ACOXL: variants seen among roughly 807,000 people sequenced by gnomAD.
ACOXL encodes acyl-CoA oxidase like, also known as acyl-coenzyme A oxidase-like protein.
ACOXL carries 70 observed loss-of-function variants against 71.9 expected under a neutral mutation model. The ratio of observed to expected loss-of-function variants is 0.97; its 90% CI spans 0.80 to 1.19. The LOEUF (loss-of-function observed/expected upper bound fraction) is 1.19, where lower values mean the gene tolerates loss of function less well. ACOXL is among the 50% of genes most tolerant of loss of function. The pLI, the probability that ACOXL is intolerant of heterozygous loss-of-function variation, is 0.00. For missense variants in ACOXL, 703 were observed against 736.3 expected, an observed-to-expected ratio of 0.95 and a Z score of 0.52; for synonymous variants, 253 against 281.6, an observed-to-expected ratio of 0.90 and a Z score of 1.02.
intron 17 of ACOXL, chr2:111,112,846 T>G (rs2150085201): frequency 6.6e-6 from 1 of 152,364 alleles, no homozygotes; most frequent in South Asian, 2.1e-4. Context: ...AGCCTTGTCC[T>G]TCTGCAGGTA....
chr2:111,041,872 G>T (rs1398500711), intron 15 of ACOXL, among the ~76,000 whole-genome samples: 2 of 152,196 alleles, frequency 1.3e-5, no homozygotes, highest in East Asian at 3.9e-4. Flanking sequence ...TCTGTCTCCC[G>T]ACTTTGTGCC....
At chr2:110,951,657 T>C (rs971179363) in intron 12 of ACOXL, among the ~76,000 whole-genome samples, 8 of 152,388 alleles carry the variant, frequency 5.2e-5, no homozygotes, top group Admixed American at 5.2e-4. Flanking sequence ...TTTGTGCATG[T>C]GTGCATTTAT....
chr2:110,927,686 C>G (rs1218474167), intron 11 of ACOXL, among the ~76,000 whole-genome samples: 1 of 152,198 alleles, frequency 6.6e-6, no homozygotes, highest in African/African-American at 2.4e-5. Flanking sequence ...ATTGTAAATT[C>G]TGTGAGCACA....
intron 16 of ACOXL, among the ~76,000 whole-genome samples, chr2:111,060,792 C>G (rs948455546): frequency 6.6e-6 from 1 of 152,072 alleles, no homozygotes; most frequent in African/African-American, 2.4e-5. Flanking sequence ...AATAAAAAAT[C>G]ACCAATAAAA....
intron 14 of ACOXL, among the ~76,000 whole-genome samples, chr2:111,027,175 C>T (rs890510291): frequency 6.6e-6 from 1 of 152,022 alleles, no homozygotes; most frequent in African/African-American, 2.4e-5. Context: ...GGATTACAGG[C>T]GTGAGCCACC....
chr2:110,833,449 A>C (rs575821921), intron 9 of ACOXL, among the ~76,000 whole-genome samples: 2 of 152,292 alleles, frequency 1.3e-5, no homozygotes, highest in Admixed American at 1.3e-4. Flanking sequence ...AGGTGTGGCT[A>C]CACACGGTCA....
chr2:110,903,673 G>T (rs2059334261), intron 10 of ACOXL, among the ~76,000 whole-genome samples: 1 of 152,216 alleles, frequency 6.6e-6, no homozygotes, highest in Non-Finnish European at 1.5e-5. Flanking sequence ...TGTCCACATA[G>T]ATCATAAACT....
At chr2:110,949,728 G>T (rs1406280997) in intron 12 of ACOXL, among the ~76,000 whole-genome samples, 1 of 152,124 alleles carries the variant, frequency 6.6e-6, no homozygotes, top group African/African-American at 2.4e-5. Flanking sequence ...TATAGATGCT[G>T]CCACCTTTAA....
At chr2:110,806,104 A>T (rs370784274) in intron 9 of ACOXL, among the ~76,000 whole-genome samples, 1 of 152,252 alleles carries the variant, frequency 6.6e-6, no homozygotes, top group East Asian at 1.9e-4. Flanking sequence ...TGAAGAAGGA[A>T]TAAATTTCAT....
chr2:110,811,646 CGTT>C (rs1029630097), intron 9 of ACOXL, among the ~76,000 whole-genome samples: 3 of 151,668 alleles, frequency 2.0e-5, no homozygotes. Context: ...TTTTCAGGCA[CGTT>C]GTATGTGCTT....
At chr2:110,903,252 C>T (rs975267022) in intron 10 of ACOXL, among the ~76,000 whole-genome samples, 1 of 152,242 alleles carries the variant, frequency 6.6e-6, no homozygotes, top group Non-Finnish European at 1.5e-5. Context: ...GCGGCCCCCC[C>T]AGAGGCTGCG....
chr2:110,757,291 AG>A (rs1357631714), intron 1 of ACOXL, among the ~76,000 whole-genome samples: 9 of 152,092 alleles, frequency 5.9e-5, no homozygotes. Flanking sequence ...TTCTTTATTC[AG>A]TCTATCATTG....
chr2:110,901,238 G>T (rs762816329), intron 10 of ACOXL, among the ~76,000 whole-genome samples: 3 of 152,140 alleles, frequency 2.0e-5, no homozygotes, highest in Non-Finnish European at 4.4e-5. Context: ...ATTGGCAAGG[G>T]CTTTTTCTCT....
intron 11 of ACOXL, among the ~76,000 whole-genome samples, chr2:110,929,534 G>A (rs1307347240): frequency 1.3e-5 from 2 of 152,216 alleles, no homozygotes; most frequent in Non-Finnish European, 2.9e-5. Flanking sequence ...ATTTTCTGAG[G>A]AGAAATTCAA....
intron 12 of ACOXL, among the ~76,000 whole-genome samples, chr2:110,972,646 C>T (rs74266298): frequency 0.078 from 8,357 of 106,836 alleles, 561 homozygotes; most frequent in East Asian, 0.44. Context: ...CACACACACA[C>T]GTGCACACAC....
chr2:110,790,429 C>T (rs1684504488), intron 3 of ACOXL, among the ~76,000 whole-genome samples: 1 of 152,202 alleles, frequency 6.6e-6, no homozygotes, highest in Admixed American at 6.5e-5. Flanking sequence ...CTGGAAGCTG[C>T]CGACCCTCAT....
chr2:110,997,619 T>C (rs1004301761), intron 14 of ACOXL, among the ~76,000 whole-genome samples: 1 of 152,182 alleles, frequency 6.6e-6, no homozygotes, highest in Non-Finnish European at 1.5e-5. Flanking sequence ...TTCACTAATA[T>C]AGCCTTCCTT....
chr2:111,026,846 A>G (rs1264967890), intron 14 of ACOXL, among the ~76,000 whole-genome samples: 2 of 152,180 alleles, frequency 1.3e-5, no homozygotes, highest in Admixed American at 6.5e-5. Flanking sequence ...GTGTCCTCAG[A>G]AAGCAAGAGG....
In ACOXL at chr2:111,118,142, C is replaced by T. The variant is rs1287680625; in HGVS notation, c.*326C>T. ...CCCCGCTGCGAGCGCGCCCCACAGC[C>T]GGGTGCCGCCAAAGGTCTCCTGCTG... On this transcript the variant is annotated 3_prime_UTR_variant, in exon 18 of 18. Coordinates refer to ENST00000439055, the MANE Select transcript of ACOXL (RefSeq NM_001142807.4). 4.4e-6 allele frequency: 2 copies of T among 452,110 alleles called. No individual in the cohort carries two copies. Among genetic ancestry groups the T allele is most frequent in the Non-Finnish European group, 7.9e-6 (2 of 252,016 alleles). The allele number at this position is 452,110 out of a possible 1,614,324, so 28.0% of individuals were successfully genotyped here.
Sources: allele counts gnomAD v4.1 joint callset (sites outside exome capture counted in the v4.1 genomes callset), GRCh38; gene constraint gnomAD v4.1.1; transcripts MANE v1.5; gene names NCBI Gene and HGNC (gene_info 2026-07-23, HGNC 2026-07-21).